Variants in EML1 observed in about 807,000 individuals in gnomAD.
EML1 encodes echinoderm microtubule-associated protein-like 1.
In EML1, 27 loss-of-function variants were observed where a neutral mutation model predicts 110.4. The observed-to-expected ratio is 0.24, with a 90% CI of 0.18 to 0.34. The LOEUF is 0.34. EML1 is among the 10% of genes least tolerant of loss of function. EML1 has a pLI of 1.00. For missense variants in EML1, 741 were observed against 1,030.9 expected (o/e 0.72, Z 3.85); for synonymous variants, 344 against 385.8 (o/e 0.89, Z 1.27).
chr14:99,897,080 T>C (rs1326324292), intron 6 of EML1, 65 bp from the exon 7 acceptor site: 1 of 1,391,374 alleles, frequency 7.2e-7, no homozygotes, highest in African/African-American at 1.5e-5. Context: ...CTGTGCCTGT[T>C]GAATAAAGCT....
chr14:99,793,590 G>A (rs2057710303), intron 1 of EML1, 47 bp downstream of exon 1: 1 of 994,028 alleles, frequency 1.0e-6, no homozygotes, highest in Middle Eastern at 4.8e-4. Context: ...GCTGGTGGCG[G>A]GCGGCGGCGA....
chr14:99,862,726 T>C lies in EML1; in HGVS notation c.251-2788T>C, dbSNP rs1357812420. The stretch of plus-strand genomic sequence containing the variant: ...GTGTCTTTTGGTTTTGTTGTTGTTG[T>C]CTGAGCACTTCTTTACTTTCTGGCA... On this transcript the variant is annotated intron_variant, in intron 2 of 21. Coordinates refer to ENST00000262233, the MANE Select transcript of EML1 (RefSeq NM_004434.3). 2.0e-5 allele frequency among the ~76,000 whole-genome samples: 3 copies of C among 152,304 alleles called. No homozygotes were observed. The East Asian group carries it at 5.8e-4, about 29-fold the overall frequency.
At chr14:99,741,637 C>A (rs1317370310) in intron 1 of EML1, among the ~76,000 whole-genome samples, 4 of 145,352 alleles carry the variant, frequency 2.8e-5, no homozygotes, top group African/African-American at 5.0e-5. Context: ...CACCCCCCCC[C>A]AGACCTCACA....
intron 9 of EML1, among the ~76,000 whole-genome samples, chr14:99,906,366 T>C (rs10139838): frequency 0.56 from 84,820 of 152,078 alleles, 24,110 homozygotes; most frequent in African/African-American, 0.67. Context: ...GCTGGTTGCC[T>C]ATTTCCATGG....
chr14:99,912,945 G>A (rs567513869), intron 13 of EML1, among the ~76,000 whole-genome samples: 19 of 152,206 alleles, frequency 1.2e-4, no homozygotes, highest in Non-Finnish European at 2.1e-4. Flanking sequence ...TTCCTGGAAC[G>A]GGAGAGCCTA....
At chr14:99,837,959 C>T (rs936880150) in intron 1 of EML1, among the ~76,000 whole-genome samples, 1 of 152,088 alleles carries the variant, frequency 6.6e-6, no homozygotes, top group Admixed American at 6.5e-5. Context: ...ACCATCATGC[C>T]TGGCTAATTT....
At chr14:99,746,356 C>A (rs1281148409) in intron 1 of EML1, among the ~76,000 whole-genome samples, 1 of 152,116 alleles carries the variant, frequency 6.6e-6, no homozygotes, top group Non-Finnish European at 1.5e-5. Context: ...CCCAGCAATC[C>A]CCTCTGAACT....
At chr14:99,915,710 G>A (rs2060023276) in intron 15 of EML1, among the ~76,000 whole-genome samples, 1 of 152,152 alleles carries the variant, frequency 6.6e-6, no homozygotes, top group South Asian at 2.1e-4. Flanking sequence ...ACCCAGCTCA[G>A]TCTGACTCCT....
chr14:99,811,661 A>G (rs76146332), intron 1 of EML1, among the ~76,000 whole-genome samples: 1 of 145,548 alleles, frequency 6.9e-6, no homozygotes, highest in Non-Finnish European at 1.5e-5. Flanking sequence ...AAAAAAAAAA[A>G]TTAGCCAGGC....
chr14:99,894,543 ACT>A (rs1465065870), intron 5 of EML1, 84 bp from the exon 6 acceptor site: 4 of 1,417,822 alleles, frequency 2.8e-6, no homozygotes, highest in Non-Finnish European at 3.7e-6. Flanking sequence ...TCTCTTTTAT[ACT>A]GAAAGGCTAG....
upstream of EML1, among the ~76,000 whole-genome samples, chr14:99,769,186 T>A (rs200623587): frequency 9.2e-5 from 14 of 152,278 alleles, no homozygotes; most frequent in East Asian, 2.7e-3. Context: ...TCAGCCAGCC[T>A]CTGAGCCCCA....
At chr14:99,904,224 A>G (rs1566929166) in intron 9 of EML1, among the ~76,000 whole-genome samples, 1 of 152,232 alleles carries the variant, frequency 6.6e-6, no homozygotes, top group Non-Finnish European at 1.5e-5. Flanking sequence ...TAATTTACAG[A>G]AAAACTGATT....
At position 99,940,678 on chromosome 14, in the gene EML1, A is replaced by C. The variant is rs1012575996; in HGVS notation, c.*566A>C. 1.3e-5 allele frequency: 2 copies of C among 152,244 alleles called. No individual in the cohort carries two copies. Among genetic ancestry groups the C allele is most frequent in the African/African-American group, 4.8e-5 (2 of 41,456 alleles). 9.4% of individuals were successfully genotyped at this position (152,244 alleles called of 1,614,324 possible). A position where few individuals can be genotyped will look rare whatever the true frequency, so the allele number is the denominator to read the frequency against. ...TGCATTCTCCCTTGGGGAGGCTGTG[A>C]GAGAGGGCTTGTATCCCTCTTGTGC... On this transcript the variant is annotated 3_prime_UTR_variant, in exon 22 of 22. Transcript: ENST00000262233.
At chr14:99,937,221 G>A (rs376393918) in intron 19 of EML1, among the ~76,000 whole-genome samples, 2 of 152,164 alleles carry the variant, frequency 1.3e-5, no homozygotes, top group East Asian at 1.9e-4. Flanking sequence ...GCTCCAGTGC[G>A]GAGGGCGGCC....
chr14:99,933,168 C>T (rs898016449), intron 17 of EML1, among the ~76,000 whole-genome samples: 1 of 152,128 alleles, frequency 6.6e-6, no homozygotes, highest in Admixed American at 6.5e-5. Context: ...TTTGAGTTCA[C>T]AAATGATCAG....
chr14:99,833,585 C>T (rs1180321230), intron 1 of EML1, among the ~76,000 whole-genome samples: 1 of 152,138 alleles, frequency 6.6e-6, no homozygotes, highest in African/African-American at 2.4e-5. Context: ...AAATTGTTAG[C>T]TTAACAGTAA....
intron 1 of EML1, among the ~76,000 whole-genome samples, chr14:99,777,079 G>A (rs949530782): frequency 6.6e-6 from 1 of 152,208 alleles, no homozygotes; most frequent in African/African-American, 2.4e-5. Context: ...CTCTTCAGCT[G>A]TCCCAGCAGC....
At chr14:99,824,448 T>C (rs754230485) in intron 1 of EML1, among the ~76,000 whole-genome samples, 3 of 151,180 alleles carry the variant, frequency 2.0e-5, no homozygotes, top group Non-Finnish European at 4.4e-5. Flanking sequence ...TGTATGTCAG[T>C]AATTGGCCTC....
intron 3 of EML1, among the ~76,000 whole-genome samples, chr14:99,874,210 A>G (rs548252445): frequency 2.5e-4 from 38 of 152,366 alleles, no homozygotes; most frequent in Admixed American, 5.9e-4. Context: ...TATTATGTCT[A>G]AAGTGTTAAG....
Sources: allele counts gnomAD v4.1 joint callset (sites outside exome capture counted in the v4.1 genomes callset), GRCh38; gene constraint gnomAD v4.1.1; transcripts MANE v1.5; gene names NCBI Gene and HGNC (gene_info 2026-07-23, HGNC 2026-07-21).